Variants in WWC2 observed in about 807,000 individuals in gnomAD.
The protein encoded by WWC2 is protein WWC2.
In WWC2, 101 loss-of-function variants were observed where a neutral mutation model predicts 138.5. The observed-to-expected ratio is 0.73, with a 90% CI of 0.62 to 0.86. WWC2 has a LOEUF of 0.86. Among genes scored for constraint, WWC2 ranks in the 40% least tolerant of loss-of-function variants. WWC2 has a pLI of 0.00. For missense variants in WWC2, 1,420 were observed against 1,419.4 expected, an observed-to-expected ratio of 1.00 and a Z score of -0.01; for synonymous variants, 558 against 538.4, an observed-to-expected ratio of 1.04 and a Z score of -0.50.
At chr4:183,193,738 A>G (rs1236725759) in intron 2 of WWC2, 30 bp downstream of exon 2, 6 of 1,554,558 alleles carry the variant, frequency 3.9e-6, no homozygotes, top group African/African-American at 2.7e-5. Context: ...AAAAGCAAAC[A>G]TATCAGAAAA....
At chr4:183,244,991 G>T (rs1736726105) in intron 5 of WWC2, among the ~76,000 whole-genome samples, 1 of 152,066 alleles carries the variant, frequency 6.6e-6, no homozygotes, top group Admixed American at 6.6e-5. Flanking sequence ...AAAAGAGAAA[G>T]GAGGGGCTGA....
chr4:183,257,223 T>C (rs952162110), intron 9 of WWC2, among the ~76,000 whole-genome samples: 2 of 152,176 alleles, frequency 1.3e-5, no homozygotes, highest in African/African-American at 2.4e-5. Context: ...GTTTCTTAAT[T>C]ATTTGAATGT....
At chr4:183,149,220 A>G (rs1316602083) in intron 1 of WWC2, among the ~76,000 whole-genome samples, 3 of 152,248 alleles carry the variant, frequency 2.0e-5, no homozygotes, top group Non-Finnish European at 4.4e-5. Context: ...TCCCCTTCTC[A>G]TAAAAGTAAT....
chr4:183,194,497 A>G (rs1471729474), intron 2 of WWC2, among the ~76,000 whole-genome samples: 1 of 152,224 alleles, frequency 6.6e-6, no homozygotes, highest in Non-Finnish European at 1.5e-5. Flanking sequence ...TTTGCGGAAT[A>G]CATAATGAAT....
At chr4:183,133,800 A>G (rs1369338735) in intron 1 of WWC2, among the ~76,000 whole-genome samples, 1 of 152,100 alleles carries the variant, frequency 6.6e-6, no homozygotes, top group Non-Finnish European at 1.5e-5. Flanking sequence ...CCGCCTTCTC[A>G]TGTTTTTCTT....
At chr4:183,175,075 C>T (rs1229207941) in intron 1 of WWC2, among the ~76,000 whole-genome samples, 1 of 151,996 alleles carries the variant, frequency 6.6e-6, no homozygotes, top group Non-Finnish European at 1.5e-5. Flanking sequence ...TATTATGACC[C>T]TTCTCTCCTA....
intron 1 of WWC2, among the ~76,000 whole-genome samples, chr4:183,105,687 C>G (rs1010505961): frequency 1.1e-4 from 17 of 152,060 alleles, no homozygotes; most frequent in East Asian, 5.9e-4. Context: ...TCAGGAGATG[C>G]AGACCATCCT....
intron 1 of WWC2, among the ~76,000 whole-genome samples, chr4:183,112,008 C>G (rs905247031): frequency 6.6e-6 from 1 of 152,076 alleles, no homozygotes; most frequent in Non-Finnish European, 1.5e-5. Context: ...AGATCATTTA[C>G]TTTTTTCCTT....
intron 15 of WWC2, chr4:183,270,156 GC>G (rs1461054368): frequency 6.6e-6 from 1 of 152,094 alleles, no homozygotes; most frequent in Non-Finnish European, 1.5e-5. Context: ...GACTCGTTAG[GC>G]TATCAGAAAG....
At chr4:183,193,301 G>A (rs1468664467) in intron 1 of WWC2, among the ~76,000 whole-genome samples, 4 of 152,168 alleles carry the variant, frequency 2.6e-5, no homozygotes, top group African/African-American at 9.7e-5. Context: ...CTGTTTCACT[G>A]CAGAGCTAGA....
At chr4:183,246,162 A>G (rs1403727083) in intron 6 of WWC2, among the ~76,000 whole-genome samples, 1 of 152,232 alleles carries the variant, frequency 6.6e-6, no homozygotes, top group Non-Finnish European at 1.5e-5. Context: ...CATCATGTGT[A>G]GAAAACACAA....
intron 7 of WWC2, 39 bp from the exon 8 acceptor site, chr4:183,249,881 A>G (rs760305617): frequency 8.5e-6 from 13 of 1,522,280 alleles, no homozygotes; most frequent in East Asian, 2.3e-5. Flanking sequence ...ATTCATTAGC[A>G]GAGTTAATTG....
At chr4:183,244,140 A>T (rs1472695352) in intron 5 of WWC2, among the ~76,000 whole-genome samples, 1 of 152,150 alleles carries the variant, frequency 6.6e-6, no homozygotes, top group Non-Finnish European at 1.5e-5. Flanking sequence ...ATAAAACCAA[A>T]AATATGTCTA....
chr4:183,258,442 T>C (rs1467587109), intron 9 of WWC2, among the ~76,000 whole-genome samples: 3 of 152,228 alleles, frequency 2.0e-5, no homozygotes, highest in Admixed American at 2.0e-4. Context: ...TAGATACCTA[T>C]AAATAAAATA....
intron 1 of WWC2, among the ~76,000 whole-genome samples, chr4:183,142,341 GTT>G (rs1252482616): frequency 3.9e-5 from 6 of 152,094 alleles, no homozygotes; most frequent in Non-Finnish European, 8.8e-5. Flanking sequence ...ATGCTTTTTT[GTT>G]TGAGGCTAAG....
intron 4 of WWC2, among the ~76,000 whole-genome samples, chr4:183,232,621 C>T (rs1736281775): frequency 6.6e-6 from 1 of 152,046 alleles, no homozygotes; most frequent in African/African-American, 2.4e-5. Context: ...CCTGTACTGC[C>T]AAATAATATT....
intron 22 of WWC2, 32 bp from the exon 23 acceptor site, chr4:183,315,631 A>AT (rs1379037594): frequency 4.4e-6 from 7 of 1,576,180 alleles, no homozygotes; most frequent in Non-Finnish European, 3.5e-6. Context: ...AGCATCATAT[A>AT]TAAGTCAATT....
chr4:183,272,481 A>G (rs1737722101), intron 16 of WWC2, among the ~76,000 whole-genome samples: 1 of 152,220 alleles, frequency 6.6e-6, no homozygotes, highest in South Asian at 2.1e-4. Context: ...GAAGCACCCA[A>G]CCCAGTGGTT....
intron 1 of WWC2, among the ~76,000 whole-genome samples, chr4:183,125,458 C>T (rs1286631011): frequency 6.6e-6 from 1 of 152,100 alleles, no homozygotes; most frequent in African/African-American, 2.4e-5. Flanking sequence ...TAGTGAAAAA[C>T]ATGAGGATTC....
Sources: allele counts gnomAD v4.1 joint callset (sites outside exome capture counted in the v4.1 genomes callset), GRCh38; gene constraint gnomAD v4.1.1; transcripts MANE v1.5; gene names NCBI Gene and HGNC (gene_info 2026-07-23, HGNC 2026-07-21).